Variants in MGA observed in about 807,000 individuals in gnomAD.
MGA encodes the protein MAX dimerization protein MGA.
In MGA, 40 loss-of-function variants were observed where a neutral mutation model predicts 261.1. The ratio of observed to expected loss-of-function variants is 0.15; its 90% CI spans 0.12 to 0.20. The LOEUF is 0.20. Among genes scored for constraint, MGA ranks in the 10% least tolerant of loss-of-function variants. The pLI, the probability that MGA is intolerant of heterozygous loss-of-function variation, is 1.00. For missense variants in MGA, 3,397 were observed against 3,630.5 expected, an observed-to-expected ratio of 0.94 and a Z score of 1.65; for synonymous variants, 1,302 against 1,290.6, an observed-to-expected ratio of 1.01 and a Z score of -0.19.
At chr15:41,683,689 C>A (rs2058794347) in intron 2 of MGA, among the ~76,000 whole-genome samples, 1 of 151,540 alleles carries the variant, frequency 6.6e-6, no homozygotes, top group Non-Finnish European at 1.5e-5. Flanking sequence ...AGTGATCATC[C>A]CACATCAGCC....
At chr15:41,674,870 C>G (rs764347346) in intron 2 of MGA, among the ~76,000 whole-genome samples, 2 of 152,204 alleles carry the variant, frequency 1.3e-5, no homozygotes, top group Non-Finnish European at 2.9e-5. Context: ...TGTCTCTCTT[C>G]TTAGTTCCAG....
intron 1 of MGA, among the ~76,000 whole-genome samples, chr15:41,626,166 A>G (rs1034405244): frequency 6.6e-6 from 1 of 152,176 alleles, no homozygotes; most frequent in African/African-American, 2.4e-5. Context: ...TCCTGTGGGG[A>G]TAAGAGGAGA....
At position 41,750,300 on chromosome 15, in the gene MGA, T is replaced by C; in HGVS notation, c.6693T>C (p.Thr2231=). 1 of 1,614,042 alleles carries C rather than the reference T, an allele frequency of 6.2e-7. No homozygotes were observed. The highest frequency in any genetic ancestry group is 8.5e-7 in the Non-Finnish European group (1 of 1,179,900). ...ACTTACTTGGAAAAAGTGGAATTAC[T>C]GAAGATGCCAGAGTTTTGAAAACTG... Residue 2231 remains threonine (T), a synonymous_variant, in exon 17 of 24, where the codon ACT becomes ACC. Transcript: ENST00000219905.
rs373466530 is a variant in MGA at position 41,669,131 on chromosome 15, C to T, written c.237C>T (p.Leu79=). The change falls in exon 2 of 24, where the codon CTC becomes CTT. Residue 79 remains leucine, a synonymous_variant. Transcript: ENST00000219905. ...CTGTGGGTGGAATCACTGTTACCCT[C>T]GATAACAATAGTATGTGGAATGAGT... 5.0e-6 allele frequency: 8 copies of T among 1,612,920 alleles called. No individual in the cohort carries two copies. The highest frequency in any genetic ancestry group is 1.1e-5 in the South Asian group (1 of 91,070).
chr15:41,740,181 T>C lies in MGA; in HGVS notation c.4563T>C (p.Phe1521=), dbSNP rs758201069. The change falls in exon 14 of 24, where the codon TTT becomes TTC. Residue 1521 remains phenylalanine (F), a synonymous_variant. Coordinates refer to ENST00000219905, the MANE Select transcript of MGA (RefSeq NM_001164273.2). ...GCCCTGGGAAGAATCTGAAGGCGTT[T>C]GTCCCAGCAAAACGGCCAATTGGTA... 2 of 1,613,970 alleles carry C rather than the reference T, an allele frequency of 1.2e-6. No individual in the cohort carries two copies. The highest frequency in any genetic ancestry group is 2.2e-5 in the South Asian group (2 of 91,086).
intron 14 of MGA, 120 bp from the exon 15 acceptor site, chr15:41,742,426 G>T: frequency 8.5e-7 from 1 of 1,171,992 alleles, no homozygotes. Context: ...AAATAATACA[G>T]GTAGGTAGTA....
At chr15:41,754,292 G>A (rs1028751993) in intron 17 of MGA, 145 bp from the exon 18 acceptor site, 1 of 638,516 alleles carries the variant, frequency 1.6e-6, no homozygotes, top group Non-Finnish European at 2.5e-6. Flanking sequence ...TCCTTATTAT[G>A]ACTAACAATC....
At chr15:41,667,841 T>C (rs1315667287) in intron 1 of MGA, among the ~76,000 whole-genome samples, 1 of 152,200 alleles carries the variant, frequency 6.6e-6, no homozygotes, top group Non-Finnish European at 1.5e-5. Context: ...TCTTTCCCTG[T>C]CACCCAGGCT....
intron 1 of MGA, among the ~76,000 whole-genome samples, chr15:41,662,830 AAC>A (rs1382600431): frequency 6.6e-6 from 1 of 152,114 alleles, no homozygotes; most frequent in Admixed American, 6.6e-5. Flanking sequence ...GGAATATACT[AAC>A]ATCTTGGTGC....
upstream of MGA, among the ~76,000 whole-genome samples, chr15:41,656,889 A>T (rs2057213784): frequency 2.0e-5 from 3 of 151,924 alleles, no homozygotes; most frequent in African/African-American, 7.3e-5. Flanking sequence ...CATTTCTCTC[A>T]CTTCAGCCTC....
intron 1 of MGA, among the ~76,000 whole-genome samples, chr15:41,632,089 C>T (rs1413983491): frequency 1.3e-5 from 2 of 152,186 alleles, no homozygotes; most frequent in African/African-American, 4.8e-5. Context: ...CATAGTTTAT[C>T]TCACGTCATA....
rs2057901076 is a variant in MGA at position 41,668,757 on chromosome 15, G to A, written c.-67-71G>A. ...ATAACATAATCGTTCTTGTATTTTTGTTCAAGAAATAAATACTCACTTGAT... is the reference window on the plus strand; with the variant it reads ...ATAACATAATCGTTCTTGTATTTTTATTCAAGAAATAAATACTCACTTGAT... On this transcript the variant is annotated intron_variant, in intron 1 of 23. Transcript: ENST00000219905. 5.5e-6 allele frequency: 3 copies of A among 543,708 alleles called. No individual in the cohort carries two copies. The South Asian group carries it at 1.4e-4, about 26-fold the overall frequency. The allele number at this position is 543,708 out of a possible 1,614,324, so 33.7% of individuals were successfully genotyped here.
At chr15:41,699,716 G>T (rs888446916) in intron 5 of MGA, among the ~76,000 whole-genome samples, 2 of 152,144 alleles carry the variant, frequency 1.3e-5, no homozygotes, top group Admixed American at 6.5e-5. Flanking sequence ...TAGCCAGGAT[G>T]GTCTTGATCT....
At chr15:41,656,327 T>TCTCTCC (rs1566936322), upstream of MGA, among the ~76,000 whole-genome samples, 103 of 115,752 alleles carry the variant, frequency 8.9e-4, 2 homozygotes, top group African/African-American at 2.8e-3. Flanking sequence ...TTTCTTTCTC[T>TCTCTCC]CTCTCCCTCT....
At chr15:41,701,526 T>A (rs2151372537) in intron 5 of MGA, among the ~76,000 whole-genome samples, 1 of 152,314 alleles carries the variant, frequency 6.6e-6, no homozygotes, top group South Asian at 2.1e-4. Flanking sequence ...ACTGACTAGG[T>A]AACATATATA....
chr15:41,664,020 G>GT (rs1267379311), intron 1 of MGA, among the ~76,000 whole-genome samples: 1 of 152,158 alleles, frequency 6.6e-6, no homozygotes, highest in Non-Finnish European at 1.5e-5. Context: ...TTCATTCCAT[G>GT]TTCTTAAACC....
chr15:41,742,849 C>G lies in MGA; in HGVS notation c.4889C>G (p.Ser1630Cys), dbSNP rs377281750. Residue 1630 changes from serine to cysteine, a missense_variant, in exon 15 of 24, where the codon TCT becomes TGT. Ser to Cys is a moderately radical substitution (Grantham distance 112). This residue lies in a region of MGA where 1,410 missense variants were observed against 1,386.4 expected (regional missense o/e 1.02). Transcript: ENST00000219905. ...GAAACTAAAGAAACTACTTATTCTT[C>G]TGGTGCCACCACTACAGGGGTTGTT... The G allele has an allele frequency of 3.8e-5, 62 of 1,613,878 alleles. No homozygotes were observed. The highest frequency in any genetic ancestry group is 6.7e-5 in the Admixed American group (4 of 60,002).
chr15:41,744,316 G>T (rs1460566124), intron 15 of MGA, among the ~76,000 whole-genome samples: 1 of 152,040 alleles, frequency 6.6e-6, no homozygotes, highest in East Asian at 1.9e-4. Flanking sequence ...TGATTCTCCT[G>T]CCTCAGCCTC....
At chr15:41,653,583 C>T (rs2057110217) in intron 1 of MGA, among the ~76,000 whole-genome samples, 2 of 151,548 alleles carry the variant, frequency 1.3e-5, no homozygotes, top group African/African-American at 4.8e-5. Context: ...GTGGCGTGGC[C>T]TATAATCCCA....
Sources: allele counts gnomAD v4.1 joint callset (sites outside exome capture counted in the v4.1 genomes callset), GRCh38; gene constraint gnomAD v4.1.1; regional missense constraint gnomAD v4.1.1; transcripts MANE v1.5; gene names NCBI Gene and HGNC (gene_info 2026-07-23, HGNC 2026-07-21).